OR52I2: variants seen among roughly 807,000 people sequenced by gnomAD.
OR52I2 encodes olfactory receptor 52I2.
For synonymous variants in OR52I2, 147 were observed against 151.9 expected, an observed-to-expected ratio of 0.97 and a Z score of 0.24; for missense variants, 350 against 402.4, an observed-to-expected ratio of 0.87 and a Z score of 1.11.
intron 1 of OR52I2, chr11:4,586,641 G>C (rs539982497): frequency 4.8e-6 from 3 of 627,854 alleles, no homozygotes; most frequent in African/African-American, 3.7e-5. Context: ...AGCAGAAAAG[G>C]CTTTCCAAAG....
chr11:4,586,787 A>C, intron 1 of OR52I2, 85 bp from the exon 2 acceptor site: 1 of 1,595,484 alleles, frequency 6.3e-7, no homozygotes, highest in Non-Finnish European at 8.6e-7. Context: ...CAAGCTGAGA[A>C]TATCCTTAGG....
Position 4,582,806 on chromosome 11 carries a change from C to T in OR52I2, c.-20+942C>T, listed in dbSNP as rs111319567. 2.3e-3 allele frequency among the ~76,000 whole-genome samples: 356 copies of T among 152,246 alleles called. 4 individuals carry two copies. The highest frequency in any genetic ancestry group is 7.8e-3 in the African/African-American group (322 of 41,540). ...GTGAATGTTTCCACAGGATTAAAAA[C>T]AAAGGCAGGTGCAGTGCTAGAAATA... is the stretch of plus-strand genomic sequence containing the variant. On this transcript the variant is annotated intron_variant, in intron 1 of 1. Transcript: ENST00000641896.
exon 2 of OR52I2, chr11:4,590,305 A>T (rs1846341333): frequency 6.6e-6 from 1 of 152,218 alleles, no homozygotes; most frequent in Non-Finnish European, 1.5e-5. Flanking sequence ...AAGGAAAAAG[A>T]GTTACTGGAC....
At chr11:4,583,484 T>C (rs1321698624) in intron 1 of OR52I2, among the ~76,000 whole-genome samples, 2 of 152,174 alleles carry the variant, frequency 1.3e-5, no homozygotes, top group African/African-American at 4.8e-5. Flanking sequence ...CTTTATGCAA[T>C]AATGCACAAG....
chr11:4,581,905 G>C (rs1404037079), intron 1 of OR52I2, 41 bp downstream of exon 1: 2 of 152,262 alleles, frequency 1.3e-5, no homozygotes, highest in East Asian at 1.9e-4. Context: ...GGCTGATAGA[G>C]ATCGAATGTT....
At chr11:4,585,613 A>C (rs1349072787) in intron 1 of OR52I2, among the ~76,000 whole-genome samples, 1 of 152,208 alleles carries the variant, frequency 6.6e-6, no homozygotes, top group Non-Finnish European at 1.5e-5. Context: ...CAAGCGGTAG[A>C]GCTCAGCTGC....
chr11:4,589,838 T>C (rs1371995342), exon 2 of OR52I2: 2 of 152,170 alleles, frequency 1.3e-5, no homozygotes, highest in Non-Finnish European at 1.5e-5. Flanking sequence ...TTAGTTCTTT[T>C]ACCTTTAAGA....
intron 1 of OR52I2, among the ~76,000 whole-genome samples, chr11:4,585,610 T>C (rs1482782610): frequency 6.6e-6 from 1 of 152,166 alleles, no homozygotes; most frequent in South Asian, 2.1e-4. Context: ...CAACAAGCGG[T>C]AGAGCTCAGC....
At chr11:4,588,655 G>A (rs11032949) in exon 2 of OR52I2, 4,454 of 152,256 alleles carry the variant, frequency 0.029, 102 homozygotes, top group Middle Eastern at 0.058. Context: ...CTATAACAGC[G>A]TCATGGGAAA....
exon 2 of OR52I2, chr11:4,590,593 G>C (rs984496): frequency 6.6e-6 from 1 of 151,996 alleles, no homozygotes; most frequent in South Asian, 2.1e-4. Context: ...GCCTCTTGAA[G>C]AAAGGTGAAT....
chr11:4,587,508 T>C, exon 2 of OR52I2: 1 of 1,614,186 alleles, frequency 6.2e-7, no homozygotes, highest in Non-Finnish European at 8.5e-7. Context: ...GTCTGATTGG[T>C]TCCTCTCTTA....
At chr11:4,587,698 C>A (rs2133188048) in exon 2 of OR52I2, 4 of 1,614,194 alleles carry the variant, frequency 2.5e-6, no homozygotes, top group East Asian at 2.2e-5. Context: ...CTGGTTGGGG[C>A]AGGATGTAGT....
At chr11:4,587,371 A>C (rs1218533747) in exon 2 of OR52I2, 3 of 1,613,066 alleles carry the variant, frequency 1.9e-6, no homozygotes, top group South Asian at 1.1e-5. Flanking sequence ...CATAGCCATA[A>C]CTCCACTGAG....
exon 2 of OR52I2, chr11:4,587,538 C>A: frequency 1.7e-5 from 27 of 1,614,136 alleles, no homozygotes; most frequent in Non-Finnish European, 2.3e-5. Context: ...CTGATGTGGC[C>A]TTCATTGCTG....
exon 2 of OR52I2, chr11:4,587,088 T>C: frequency 1.2e-6 from 2 of 1,614,180 alleles, no homozygotes; most frequent in Non-Finnish European, 1.7e-6. Context: ...TGTATTGCTT[T>C]CTGTGTGTTC....
chr11:4,592,238 A>G (rs1480801070), exon 2 of OR52I2: 2 of 152,220 alleles, frequency 1.3e-5, no homozygotes, highest in African/African-American at 4.8e-5. Context: ...ATCTCAAAAT[A>G]TCTCTGTGAA....
rs374452023 is a variant in OR52I2, at chr11:4,587,078, T to C, written c.188T>C (p.Met63Thr). Residue 63 changes from methionine to threonine, a missense_variant, in exon 2 of 2, where the codon ATG becomes ACG. Coordinates refer to ENST00000641896, the Ensembl canonical transcript of OR52I2. The stretch of plus-strand genomic sequence containing the variant: ...ATGGATTCCACTCGGCATGAGCCCA[T>C]GTATTGCTTTCTGTGTGTTCTGGCT... 5 of 1,614,036 alleles carry C rather than the reference T, an allele frequency of 3.1e-6. No individual in the cohort carries two copies. In the South Asian group the frequency reaches 3.3e-5, roughly 11 times the overall value.
exon 2 of OR52I2, chr11:4,588,525 T>C (rs1414613269): frequency 6.5e-6 from 1 of 152,730 alleles, no homozygotes; most frequent in African/African-American, 2.4e-5. Context: ...TTATCCTCTA[T>C]TTGGAGAATA....
rs7947432 is a variant in OR52I2, at chr11:4,587,359, A to G, written c.469A>G (p.Ile157Val). 125 of 1,607,396 alleles carry G rather than the reference A, an allele frequency of 7.8e-5. 27 individuals carry two copies. In the African/African-American group the frequency reaches 1.7e-3, roughly 21 times the overall value. The change falls in exon 2 of 2, where the codon ATC becomes GTC. Residue 157 changes from isoleucine (I) to valine (V), a missense_variant. By Grantham distance (29) the Ile-to-Val change is conservative. Transcript: ENST00000641896. ...GAGTATGGCCATCACCATCAGAGCT[A>G]TCATAGCCATAACTCCACTGAGTTG... is the stretch of plus-strand genomic sequence containing the variant.
Sources: allele counts gnomAD v4.1 joint callset (sites outside exome capture counted in the v4.1 genomes callset), GRCh38; gene constraint gnomAD v4.1.1; transcripts MANE v1.5; gene names NCBI Gene and HGNC (gene_info 2026-07-23, HGNC 2026-07-21).